OAS2: variants seen among roughly 807,000 people sequenced by gnomAD.
OAS2 encodes the protein 2'-5'-oligoadenylate synthetase 2.
Under a neutral mutation model 71.3 loss-of-function variants are expected in OAS2, and 67 were observed. The ratio of observed to expected loss-of-function variants is 0.94; its 90% CI spans 0.77 to 1.15. The LOEUF (loss-of-function observed/expected upper bound fraction) is 1.15. OAS2 is among the 50% of genes most tolerant of loss of function. The pLI is 0.00. For missense variants in OAS2, 789 were observed against 822.5 expected (o/e 0.96, Z 0.50); for synonymous variants, 327 against 321.8 (o/e 1.02, Z -0.17).
intron 2 of OAS2, 109 bp downstream of exon 2, chr12:112,987,417 A>T: frequency 6.7e-7 from 1 of 1,495,712 alleles, no homozygotes; most frequent in Non-Finnish European, 8.9e-7. Flanking sequence ...GCTTTAAAAA[A>T]TGGGAGACCA....
Position 113,006,558 on chromosome 12 carries a change from A to T in OAS2, c.1614A>T (p.Lys538Asn), listed in dbSNP as rs1378003594. The change falls in exon 8 of 10, where the codon AAA becomes AAT. Residue 538 changes from lysine (K) to asparagine (N), a missense_variant. Transcript: ENST00000392583. ...ACTTCATTCGCTCCCGGCCCACCAA[A>T]CTAAAGGATTTAATTCGCCTGGTGA... ...QRNFIRSRPT[K>N]LKDLIRLVKH... is the part of the protein sequence containing the mutation. 1 of 1,611,906 alleles carries T rather than the reference A, an allele frequency of 6.2e-7. No individual in the cohort carries two copies. The highest frequency in any genetic ancestry group is 1.3e-5 in the African/African-American group (1 of 74,980).
Position 112,987,167 on chromosome 12 carries a change from G to C in OAS2, c.307G>C (p.Asp103His). ...SQRDILDKTG[D>H]KLKFCLFTKW... ...ACGTGACATCCTCGATAAAACTGGG[G>C]ATAAGCTGAAGTTCTGTCTGTTCAC... Residue 103 changes from aspartate (D) to histidine (H), a missense_variant, in exon 2 of 10, where the codon GAT becomes CAT. Physicochemically the swap from Asp to His is moderately conservative, Grantham distance 81. Transcript: ENST00000392583. 9.3e-6 allele frequency: 15 copies of C among 1,614,202 alleles called. No homozygotes were observed. The highest frequency in any genetic ancestry group is 1.3e-5 in the Non-Finnish European group (15 of 1,180,028).
At chr12:113,000,107 C>T (rs2044270440) in intron 5 of OAS2, among the ~76,000 whole-genome samples, 1 of 152,072 alleles carries the variant, frequency 6.6e-6, no homozygotes, top group East Asian at 1.9e-4. Context: ...ATCTCTTTAC[C>T]CTTAAATGCT....
chr12:112,989,526 A>G (rs763695193), intron 2 of OAS2, among the ~76,000 whole-genome samples: 1 of 152,228 alleles, frequency 6.6e-6, no homozygotes, highest in Admixed American at 6.5e-5. Context: ...TCTGATTGGC[A>G]ATTGATGGAA....
At chr12:112,992,207 C>A (rs1002024884) in intron 2 of OAS2, among the ~76,000 whole-genome samples, 1 of 151,938 alleles carries the variant, frequency 6.6e-6, no homozygotes, top group Non-Finnish European at 1.5e-5. Flanking sequence ...CCAGCCTGGG[C>A]AACATAGTGA....
rs193079530 is a variant in OAS2, at chr12:112,995,360, T to C, written c.513T>C (p.Asn171=). The change falls in exon 3 of 10, where the codon AAT becomes AAC. Residue 171 remains asparagine, a synonymous_variant. Coordinates refer to ENST00000392583, the MANE Select transcript of OAS2 (RefSeq NM_002535.3). The stretch of plus-strand genomic sequence containing the variant: ...TCAAAAGATCCTTGGATAAGACAAA[T>C]GCCAGTCCTGGTGAGTTTGCAGTCT... ...RELKRSLDKT[N]ASPGEFAVCF... 174 of 1,614,132 alleles carry C rather than the reference T, an allele frequency of 1.1e-4. No individual in the cohort carries two copies. Among genetic ancestry groups the C allele is most frequent in the Admixed American group, 8.2e-4 (49 of 60,016 alleles).
chr12:112,982,124 T>C (rs1223518774), intron 1 of OAS2, among the ~76,000 whole-genome samples: 7 of 152,192 alleles, frequency 4.6e-5, no homozygotes, highest in African/African-American at 1.7e-4. Context: ...AGAGGTTTTC[T>C]TGGTGGAGTC....
intron 3 of OAS2, among the ~76,000 whole-genome samples, 192 bp from the exon 4 acceptor site, chr12:112,997,328 T>C (rs963159093): frequency 1.3e-5 from 2 of 152,134 alleles, no homozygotes; most frequent in African/African-American, 4.8e-5. Context: ...TGCAGACACC[T>C]AAGAGAGGTC....
chr12:112,986,998 A>G (rs1435629881), intron 1 of OAS2, 40 bp from the exon 2 acceptor site: 2 of 1,565,930 alleles, frequency 1.3e-6, no homozygotes, highest in East Asian at 2.3e-5. Flanking sequence ...CTGTAACCCC[A>G]GAATCTAGTG....
chr12:113,002,878 C>T, intron 5 of OAS2, 54 bp from the exon 6 acceptor site: 1 of 1,561,920 alleles, frequency 6.4e-7, no homozygotes, highest in Non-Finnish European at 8.8e-7. Flanking sequence ...GAAAAGAAGC[C>T]TTGGGTGGGC....
rs780854394 is a variant in OAS2, at chr12:112,995,361, G to A, written c.514G>A (p.Ala172Thr). 3.7e-6 allele frequency: 6 copies of A among 1,614,102 alleles called. No individual in the cohort carries two copies. In the South Asian group the frequency reaches 6.6e-5, roughly 18 times the overall value. The change falls in exon 3 of 10, where the codon GCC (alanine) becomes ACC (threonine). Residue 172 changes from alanine (A) to threonine (T), a missense_variant. Physicochemically the swap from Ala to Thr is moderately conservative, Grantham distance 58 (BLOSUM62 0). Coordinates refer to ENST00000392583, the MANE Select transcript of OAS2 (RefSeq NM_002535.3). ...CAAAAGATCCTTGGATAAGACAAAT[G>A]CCAGTCCTGGTGAGTTTGCAGTCTG... Reference protein sequence around the residue: ...ELKRSLDKTNASPGEFAVCFT... With the variant: ...ELKRSLDKTNTSPGEFAVCFT...
chr12:112,979,401 C>G (rs1219125758), intron 1 of OAS2, among the ~76,000 whole-genome samples: 7 of 152,168 alleles, frequency 4.6e-5, no homozygotes, highest in Non-Finnish European at 8.8e-5. Context: ...GCTGACGTCC[C>G]TTCTCTGCTG....
intron 1 of OAS2, among the ~76,000 whole-genome samples, chr12:112,986,607 C>T (rs539886808): frequency 6.6e-6 from 1 of 152,292 alleles, no homozygotes; most frequent in Non-Finnish European, 1.5e-5. Context: ...CCCTGGGCAG[C>T]ACATGTGGAT....
Position 112,978,868 on chromosome 12 carries a change from C to A in OAS2, c.177+83C>A. ...AGGCCGAGCTACTGGGTGCTGGGTGCCTATTATGTGCGAGGCCCACACTTG... is the reference window on the plus strand; with the variant it reads ...AGGCCGAGCTACTGGGTGCTGGGTGACTATTATGTGCGAGGCCCACACTTG... On this transcript the variant is annotated intron_variant, in intron 1 of 9. Coordinates refer to ENST00000392583, the MANE Select transcript of OAS2 (RefSeq NM_002535.3). This position sits in a 1 kb window ranked among gnomAD's most constrained non-coding sequence, Gnocchi z 4.2. The A allele has an allele frequency of 7.3e-7, 1 of 1,370,022 alleles. No homozygotes were observed. Among genetic ancestry groups the A allele is most frequent in the Non-Finnish European group, 1.0e-6 (1 of 1,003,772 alleles). The allele number at this position is 1,370,022 out of a possible 1,614,324, so 84.9% of individuals were successfully genotyped here. A position where few individuals can be genotyped will look rare whatever the true frequency, so the allele number is the denominator to read the frequency against.
chr12:113,003,141 T>C lies in OAS2; in HGVS notation c.1179+39T>C, dbSNP rs562079346. ...TTTCTCATGTCTTGTTGGAATGATGTAATATTGGGCATTCCTGGAAGGGAG... is the reference window on the plus strand; with the variant it reads ...TTTCTCATGTCTTGTTGGAATGATGCAATATTGGGCATTCCTGGAAGGGAG... On this transcript the variant is annotated intron_variant, in intron 6 of 9. Coordinates refer to ENST00000392583, the MANE Select transcript of OAS2 (RefSeq NM_002535.3). 18 of 1,598,704 alleles carry C rather than the reference T, an allele frequency of 1.1e-5. No individual in the cohort carries two copies. In the South Asian group the frequency reaches 2.0e-4, roughly 18 times the overall value.
In OAS2 at chr12:113,009,074, A is replaced by T; in HGVS notation, c.1896-13A>T. 2.5e-6 allele frequency: 4 copies of T among 1,611,254 alleles called. No homozygotes were observed. Among genetic ancestry groups the T allele is most frequent in the Non-Finnish European group, 3.4e-6 (4 of 1,179,274 alleles). On this transcript the variant is annotated splice_polypyrimidine_tract_variant and intron_variant, in intron 9 of 9. Coordinates refer to ENST00000392583, the MANE Select transcript of OAS2 (RefSeq NM_002535.3). ...ATTTGGAATCTCCTAATGCCTTCTA[A>T]CCTCTCATTCAGGCCTGTGATCTTG...
intron 1 of OAS2, among the ~76,000 whole-genome samples, chr12:112,981,292 T>C (rs919685878): frequency 3.7e-4 from 56 of 152,320 alleles, no homozygotes; most frequent in African/African-American, 1.2e-3. Context: ...AATACTTGCA[T>C]AGACCAATAT....
chr12:112,994,725 T>G (rs765358800), intron 2 of OAS2, among the ~76,000 whole-genome samples: 2 of 152,096 alleles, frequency 1.3e-5, no homozygotes, highest in Non-Finnish European at 2.9e-5. Flanking sequence ...CCTGGCTAAA[T>G]AAATGTGTTT....
intron 1 of OAS2, among the ~76,000 whole-genome samples, chr12:112,982,556 A>G (rs999959418): frequency 2.0e-5 from 3 of 149,662 alleles, no homozygotes; most frequent in African/African-American, 7.4e-5. Context: ...TTTTCGAAGT[A>G]TTATTGGATT....
Sources: gnomAD v4.1 joint callset for allele counts (sites outside exome capture counted in the v4.1 genomes callset) on GRCh38, gnomAD v4.1.1 for gene constraint, Gnocchi (gnomAD v3.1) non-coding constraint, MANE v1.5 for transcripts, NCBI Gene and HGNC (gene_info 2026-07-23, HGNC 2026-07-21) for gene names.